RBFOX1: variants seen among roughly 807,000 people sequenced by gnomAD.
RBFOX1 encodes the protein RNA binding protein fox-1 homolog 1.
Under a neutral mutation model 57.7 loss-of-function variants are expected in RBFOX1, and 8 were observed. The observed-to-expected ratio is 0.14, with a 90% CI of 0.08 to 0.25. The LOEUF (loss-of-function observed/expected upper bound fraction) is 0.25. Among genes scored for constraint, RBFOX1 ranks in the 10% least tolerant of loss-of-function variants. The probability of loss-of-function intolerance (pLI) is 1.00; values close to 1 mark genes in which losing one functional copy is unlikely to be tolerated. For synonymous variants in RBFOX1, 326 were observed against 222.4 expected, an observed-to-expected ratio of 1.47 and a Z score of -4.15; for missense variants, 611 against 548.5, an observed-to-expected ratio of 1.11 and a Z score of -1.14.
chr16:6,724,029 A>G (rs1410113370), intron 3 of RBFOX1: 2 of 152,044 alleles, frequency 1.3e-5, no homozygotes, highest in Non-Finnish European at 2.9e-5. Context: ...CTATGGTCTG[A>G]ATATTTGTGT....
At chr16:6,787,319 G>C (rs1036675853) in intron 3 of RBFOX1, among the ~76,000 whole-genome samples, 1 of 152,166 alleles carries the variant, frequency 6.6e-6, no homozygotes, top group Non-Finnish European at 1.5e-5. Flanking sequence ...CCATGTTCGT[G>C]TATTCATCAA....
At position 6,256,239 on chromosome 16, in the gene RBFOX1, ATATATATG is replaced by A. The variant is rs1567788549; in HGVS notation, c.-126-60748_-126-60741del. 6.4e-3 allele frequency among the ~76,000 whole-genome samples: 639 copies of A among 99,728 alleles called. 12 individuals carry two copies. Among genetic ancestry groups the A allele is most frequent in the African/African-American group, 0.025 (537 of 21,474 alleles). The allele number at this position is 99,728 out of a possible 152,430, so 65.4% of individuals were successfully genotyped here. ...TATATATGTATATATATATGTGTAT[ATATATATG>A]TATATATATGTGTATATATATATGT... On this transcript the variant is annotated intron_variant, in intron 1 of 15. Coordinates refer to ENST00000550418, the MANE Select transcript of RBFOX1 (RefSeq NM_018723.4).
chr16:5,357,660 C>T (rs1278672796), intron 1 of RBFOX1, among the ~76,000 whole-genome samples: 2 of 152,204 alleles, frequency 1.3e-5, no homozygotes, highest in Non-Finnish European at 2.9e-5. Flanking sequence ...TCATGAACCA[C>T]ACCCCAGGCT....
intron 1 of RBFOX1, among the ~76,000 whole-genome samples, chr16:5,415,598 GC>G (rs1240014730): frequency 3.3e-5 from 5 of 152,130 alleles, no homozygotes; most frequent in African/African-American, 1.2e-4. Context: ...GTCTTGGCAG[GC>G]AATAGCACCT....
intron 4 of RBFOX1, among the ~76,000 whole-genome samples, chr16:7,296,343 T>C (rs1447862645): frequency 6.6e-6 from 1 of 151,896 alleles, no homozygotes; most frequent in African/African-American, 2.4e-5. Context: ...TATGTGAGTT[T>C]ATGTGTGTAT....
intron 3 of RBFOX1, among the ~76,000 whole-genome samples, chr16:6,802,561 C>T (rs1463632892): frequency 1.3e-5 from 2 of 152,094 alleles, no homozygotes; most frequent in East Asian, 1.9e-4. Flanking sequence ...CCTGTAATCC[C>T]AGATACTTGG....
At chr16:7,060,650 A>G (rs1291271708) in intron 4 of RBFOX1, among the ~76,000 whole-genome samples, 1 of 152,192 alleles carries the variant, frequency 6.6e-6, no homozygotes, top group African/African-American at 2.4e-5. Context: ...TCTATAATGG[A>G]AGAACAAATT....
intron 2 of RBFOX1, among the ~76,000 whole-genome samples, chr16:6,490,579 C>T (rs1216706175): frequency 6.6e-6 from 1 of 152,156 alleles, no homozygotes; most frequent in Non-Finnish European, 1.5e-5. Context: ...GCAGAAAGCT[C>T]AGAGATGATT....
At chr16:5,948,602 C>T (rs775691293) in intron 4 of RBFOX1, among the ~76,000 whole-genome samples, 31 of 152,114 alleles carry the variant, frequency 2.0e-4, no homozygotes, top group Admixed American at 1.2e-3. Context: ...GAAGGCCGTG[C>T]GATGGCAGAG....
intron 4 of RBFOX1, among the ~76,000 whole-genome samples, chr16:7,181,599 G>C (rs1020438460): frequency 3.3e-5 from 5 of 150,840 alleles, no homozygotes; most frequent in African/African-American, 7.3e-5. Flanking sequence ...TGCTTGCTCT[G>C]TTGCCCAGGC....
chr16:5,283,250 G>A (rs1371849017), intron 1 of RBFOX1, among the ~76,000 whole-genome samples: 1 of 152,178 alleles, frequency 6.6e-6, no homozygotes, highest in Non-Finnish European at 1.5e-5. Context: ...CAGGGGCAGG[G>A]CACTCATGGA....
At chr16:7,400,908 T>C (rs142196185) in intron 4 of RBFOX1, among the ~76,000 whole-genome samples, 2 of 152,182 alleles carry the variant, frequency 1.3e-5, no homozygotes, top group African/African-American at 2.4e-5. Context: ...TCTTTGCAAC[T>C]AAAGAAGCAA....
chr16:7,164,239 C>T (rs987776747), intron 4 of RBFOX1, among the ~76,000 whole-genome samples: 1 of 152,106 alleles, frequency 6.6e-6, no homozygotes. Flanking sequence ...TCCTGAGTTA[C>T]TTCACCTAGA....
intron 3 of RBFOX1, among the ~76,000 whole-genome samples, chr16:5,646,433 A>G (rs1159188130): frequency 6.6e-6 from 1 of 152,196 alleles, no homozygotes; most frequent in African/African-American, 2.4e-5. Context: ...GCCACTGTGC[A>G]CAACCTCTGG....
At chr16:6,990,424 C>T (rs555530801) in intron 3 of RBFOX1, among the ~76,000 whole-genome samples, 3 of 151,972 alleles carry the variant, frequency 2.0e-5, no homozygotes, top group Non-Finnish European at 2.9e-5. Context: ...ATTCAGGAGT[C>T]GGAGGCAGGA....
chr16:7,445,330 C>A (rs750189010), intron 4 of RBFOX1, among the ~76,000 whole-genome samples: 1 of 152,176 alleles, frequency 6.6e-6, no homozygotes, highest in Admixed American at 6.5e-5. Context: ...AACAATAGCA[C>A]TCCCCGCTAC....
At chr16:6,661,078 G>A (rs556411883) in intron 3 of RBFOX1, among the ~76,000 whole-genome samples, 4 of 152,198 alleles carry the variant, frequency 2.6e-5, no homozygotes, top group Non-Finnish European at 5.9e-5. Flanking sequence ...CTTGGGAGCT[G>A]TTATTCAGCT....
chr16:7,404,566 C>A (rs999530118), intron 4 of RBFOX1, among the ~76,000 whole-genome samples: 1 of 152,104 alleles, frequency 6.6e-6, no homozygotes, highest in Non-Finnish European at 1.5e-5. Context: ...AAAGTAAAGG[C>A]TTAAAGAATG....
At chr16:6,452,738 A>C (rs1375741188) in intron 2 of RBFOX1, among the ~76,000 whole-genome samples, 2 of 152,310 alleles carry the variant, frequency 1.3e-5, no homozygotes. Context: ...AGACTGCTTT[A>C]AAGTGGATCC....
Sources: gnomAD v4.1 joint callset for allele counts (sites outside exome capture counted in the v4.1 genomes callset) on GRCh38, gnomAD v4.1.1 for gene constraint, MANE v1.5 for transcripts, NCBI Gene and HGNC (gene_info 2026-07-23, HGNC 2026-07-21) for gene names.